The following TMEM132C variants were observed in gnomAD, a reference collection of about 807,000 sequenced individuals.
TMEM132C encodes transmembrane protein 132C.
Under a neutral mutation model 61.4 loss-of-function variants are expected in TMEM132C, and 29 were observed. The ratio of observed to expected loss-of-function variants is 0.47; its 90% CI spans 0.35 to 0.64. The LOEUF (loss-of-function observed/expected upper bound fraction) is 0.64, where lower values mean the gene tolerates loss of function less well. Ranked by LOEUF, TMEM132C falls within the 30% of genes least tolerant of loss-of-function variation. The pLI is 0.00. For synonymous variants in TMEM132C, 656 were observed against 633.1 expected (o/e 1.04, Z -0.54); for missense variants, 1,408 against 1,476.9 (o/e 0.95, Z 0.76).
At chr12:128,696,223 C>G (rs1954762598) in intron 7 of TMEM132C, 120 bp downstream of exon 7, 1 of 1,343,070 alleles carries the variant, frequency 7.4e-7, no homozygotes, top group East Asian at 2.5e-5. Context: ...CATGGGAACA[C>G]AGGAAGATGA....
chr12:128,524,066 AT>A (rs1196763332), intron 2 of TMEM132C, among the ~76,000 whole-genome samples: 1 of 150,664 alleles, frequency 6.6e-6, no homozygotes, highest in African/African-American at 2.4e-5. Context: ...TTCTGAACCA[AT>A]TTCCGTGGCC....
intron 1 of TMEM132C, among the ~76,000 whole-genome samples, chr12:128,390,001 C>G (rs1486658953): frequency 1.3e-5 from 2 of 152,170 alleles, no homozygotes; most frequent in African/African-American, 2.4e-5. Context: ...ACCCCAGTCT[C>G]CTGAGTATCT....
rs114523826 is a variant in TMEM132C at position 128,623,912 on chromosome 12, G to A, written c.1305+7577G>A. Among the ~76,000 whole-genome samples the A allele has an allele frequency of 6.6e-3, 1,012 of 152,248 alleles. 12 individuals carry two copies. The highest frequency in any genetic ancestry group is 0.023 in the African/African-American group (969 of 41,556). On this transcript the variant is annotated intron_variant, in intron 4 of 8. Transcript: ENST00000435159. ...GAAGAAGACGAAAGTGAAAAGAGTG[G>A]TGCTAGAACAGAAAAATCAGCGGGA...
At chr12:128,601,741 G>A (rs996326265) in intron 3 of TMEM132C, among the ~76,000 whole-genome samples, 1 of 145,874 alleles carries the variant, frequency 6.9e-6, no homozygotes, top group Non-Finnish European at 1.5e-5. Flanking sequence ...TGGCGGTGGA[G>A]GGACAGCTTA....
At chr12:128,698,421 A>G (rs1346148912) in intron 8 of TMEM132C, among the ~76,000 whole-genome samples, 6 of 152,232 alleles carry the variant, frequency 3.9e-5, no homozygotes, top group Admixed American at 3.9e-4. Flanking sequence ...AGAAGAGTAC[A>G]AAGTTAGGAG....
chr12:128,511,658 T>C (rs1593080229), intron 2 of TMEM132C, among the ~76,000 whole-genome samples: 2 of 152,214 alleles, frequency 1.3e-5, no homozygotes, highest in East Asian at 3.9e-4. Context: ...CACCTGAACC[T>C]TGGGGTCCTG....
Position 128,369,466 on chromosome 12 carries a change from A to G in TMEM132C, c.86-45266A>G, listed in dbSNP as rs1199050777. Among the ~76,000 whole-genome samples, 4 of 152,218 alleles carry G rather than the reference A, an allele frequency of 2.6e-5. No individual in the cohort carries two copies. The East Asian group carries it at 7.7e-4, about 29-fold the overall frequency. ...TCCCATTTTACAGCTGAGAAAACTGAGGCTTTACAGGTTGCATATCTTGTT... is the reference window on the plus strand; with the variant it reads ...TCCCATTTTACAGCTGAGAAAACTGGGGCTTTACAGGTTGCATATCTTGTT... On this transcript the variant is annotated intron_variant, in intron 1 of 8. Transcript: ENST00000435159.
At chr12:128,669,349 A>G in intron 4 of TMEM132C, 68 bp from the exon 5 acceptor site, 1 of 1,521,586 alleles carries the variant, frequency 6.6e-7, no homozygotes, top group Non-Finnish European at 8.9e-7. Context: ...GATTCCCCCT[A>G]GAATTGTCCA....
intron 3 of TMEM132C, among the ~76,000 whole-genome samples, chr12:128,559,749 T>C (rs1874450686): frequency 6.6e-6 from 1 of 152,158 alleles, no homozygotes. Context: ...TAGCATGGTA[T>C]TTGTGAGCCT....
At position 128,301,911 on chromosome 12, in the gene TMEM132C, T is replaced by C. The variant is rs77507791; in HGVS notation, c.85+34424T>C. Among the ~76,000 whole-genome samples the C allele has an allele frequency of 2.2e-3, 341 of 152,270 alleles. 1 individual carries two copies. The highest frequency in any genetic ancestry group is 0.015 in the East Asian group (77 of 5,182). On this transcript the variant is annotated intron_variant, in intron 1 of 8. Transcript: ENST00000435159. ...AAGGCACATCTTACATGGTGGCAGA[T>C]GAGAGAAATGAGAGCCAAGTGAAAG...
intron 2 of TMEM132C, among the ~76,000 whole-genome samples, chr12:128,495,932 G>C (rs1407899821): frequency 2.0e-5 from 3 of 152,138 alleles, no homozygotes; most frequent in Non-Finnish European, 4.4e-5. Context: ...TAGCCTCGAT[G>C]GTCTTTACAA....
At chr12:128,508,759 T>C (rs1158188898) in intron 2 of TMEM132C, among the ~76,000 whole-genome samples, 1 of 152,224 alleles carries the variant, frequency 6.6e-6, no homozygotes, top group Non-Finnish European at 1.5e-5. Context: ...CCTGGTACCA[T>C]CTGTAGCTGT....
chr12:128,276,143 G>T (rs1870682261), intron 1 of TMEM132C, among the ~76,000 whole-genome samples: 1 of 152,118 alleles, frequency 6.6e-6, no homozygotes, highest in South Asian at 2.1e-4. Flanking sequence ...CATATTCACA[G>T]GTTCTAAGTG....
intron 1 of TMEM132C, among the ~76,000 whole-genome samples, chr12:128,300,760 T>C (rs1399256788): frequency 3.9e-5 from 6 of 152,162 alleles, no homozygotes; most frequent in Admixed American, 2.6e-4. Flanking sequence ...GCTCCAGCTG[T>C]GCATCGTGGC....
chr12:128,571,080 T>C (rs1306161228), intron 3 of TMEM132C, among the ~76,000 whole-genome samples: 1 of 151,798 alleles, frequency 6.6e-6, no homozygotes, highest in Non-Finnish European at 1.5e-5. Context: ...CATGTGGAGG[T>C]TTAATGGCTT....
At chr12:128,694,360 A>T (rs918816899) in intron 6 of TMEM132C, among the ~76,000 whole-genome samples, 1 of 152,264 alleles carries the variant, frequency 6.6e-6, no homozygotes, top group Middle Eastern at 3.2e-3. Context: ...TCCAAAAAAA[A>T]GTCAGTCCTT....
chr12:128,560,588 T>C (rs958911192), intron 3 of TMEM132C, among the ~76,000 whole-genome samples: 1 of 152,234 alleles, frequency 6.6e-6, no homozygotes, highest in African/African-American at 2.4e-5. Flanking sequence ...CTTCATCTTA[T>C]TTCTAGAACT....
chr12:128,557,458 C>A (rs1045731146), intron 3 of TMEM132C, among the ~76,000 whole-genome samples: 2 of 152,222 alleles, frequency 1.3e-5, no homozygotes, highest in Admixed American at 1.3e-4. Context: ...GATACTCTGG[C>A]CTCTGACATA....
chr12:128,463,742 G>A (rs1870622890), intron 2 of TMEM132C, among the ~76,000 whole-genome samples: 1 of 152,084 alleles, frequency 6.6e-6, no homozygotes, highest in Admixed American at 6.5e-5. Flanking sequence ...TCCATCTAAT[G>A]TGAGCAGAGC....
Sources: allele counts gnomAD v4.1 joint callset (sites outside exome capture counted in the v4.1 genomes callset), GRCh38; gene constraint gnomAD v4.1.1; transcripts MANE v1.5; gene names NCBI Gene and HGNC (gene_info 2026-07-23, HGNC 2026-07-21).